PDE4B: variants seen among roughly 807,000 people sequenced by gnomAD.
PDE4B encodes 3',5'-cyclic-AMP phosphodiesterase 4B.
A neutral mutation model predicts 82.2 loss-of-function variants in PDE4B; 20 were observed. The ratio of observed to expected loss-of-function variants is 0.24; its 90% CI spans 0.17 to 0.35. The LOEUF is 0.35. Among genes scored for constraint, PDE4B ranks in the 10% least tolerant of loss-of-function variants. PDE4B has a pLI of 1.00. For missense variants in PDE4B, 655 were observed against 907.2 expected (o/e 0.72, Z 3.57); for synonymous variants, 320 against 318.9 (o/e 1.00, Z -0.04).
At chr1:66,102,888 A>C (rs776571808) in intron 3 of PDE4B, among the ~76,000 whole-genome samples, 7 of 152,074 alleles carry the variant, frequency 4.6e-5, no homozygotes, top group Non-Finnish European at 1.0e-4. Context: ...TTGTGCCTTA[A>C]ATATTGTTAC....
chr1:66,348,841 A>G (rs1661607142), intron 8 of PDE4B, among the ~76,000 whole-genome samples: 1 of 152,028 alleles, frequency 6.6e-6, no homozygotes, highest in African/African-American at 2.4e-5. Context: ...GTCTTTAGGT[A>G]TAAATAGTTA....
intron 1 of PDE4B, among the ~76,000 whole-genome samples, chr1:65,822,324 G>A (rs1440079572): frequency 6.6e-6 from 1 of 151,728 alleles, no homozygotes; most frequent in Non-Finnish European, 1.5e-5. Flanking sequence ...GATTTTTTTT[G>A]GCCAGGTGCA....
chr1:66,149,432 C>T (rs966577913), intron 3 of PDE4B, among the ~76,000 whole-genome samples: 2 of 152,130 alleles, frequency 1.3e-5, no homozygotes, highest in Admixed American at 1.3e-4. Flanking sequence ...TTGATATTAT[C>T]ATTTGTAGCA....
chr1:65,849,441 T>C (rs1646304675), intron 1 of PDE4B, among the ~76,000 whole-genome samples: 1 of 152,176 alleles, frequency 6.6e-6, no homozygotes, highest in Admixed American at 6.6e-5. Context: ...AGGCTAGCAG[T>C]ACTCCATTGG....
chr1:65,998,593 A>G (rs1651684704), intron 3 of PDE4B, among the ~76,000 whole-genome samples: 1 of 152,204 alleles, frequency 6.6e-6, no homozygotes, highest in South Asian at 2.1e-4. Context: ...TATATCCCGT[A>G]ACATTGAAAA....
intron 1 of PDE4B, among the ~76,000 whole-genome samples, chr1:65,901,104 T>G (rs1380066422): frequency 6.6e-6 from 1 of 152,066 alleles, no homozygotes; most frequent in African/African-American, 2.4e-5. Flanking sequence ...CATACATGGC[T>G]CTTATTATTT....
chr1:66,250,741 A>C (rs1423857353), intron 4 of PDE4B, among the ~76,000 whole-genome samples: 2 of 152,226 alleles, frequency 1.3e-5, no homozygotes, highest in Non-Finnish European at 2.9e-5. Flanking sequence ...AAAGTACTGG[A>C]AACTAGTAAG....
chr1:66,238,125 C>A (rs1317174491), intron 3 of PDE4B, among the ~76,000 whole-genome samples: 49 of 152,152 alleles, frequency 3.2e-4, no homozygotes, highest in African/African-American at 1.2e-3. Flanking sequence ...AGAAAACAAA[C>A]AGAAAGACCA....
At chr1:65,838,489 ATG>A (rs1570997276) in intron 1 of PDE4B, among the ~76,000 whole-genome samples, 2 of 148,290 alleles carry the variant, frequency 1.3e-5, no homozygotes, top group East Asian at 3.9e-4. Context: ...ATATACGTAT[ATG>A]TATATATATA....
intron 8 of PDE4B, among the ~76,000 whole-genome samples, chr1:66,353,020 C>T (rs1210698466): frequency 6.6e-6 from 1 of 152,170 alleles, no homozygotes; most frequent in African/African-American, 2.4e-5. Flanking sequence ...TTCAGCTTAT[C>T]GGTCAGAGCA....
In PDE4B at chr1:66,264,585, C is replaced by T. The variant is rs527752595; in HGVS notation, c.585-1453C>T. ...TCTTGTCACATGTGAAAATTTCATA[C>T]CACTGAGAGTTTAAAAGTACCCTGC... On this transcript the variant is annotated intron_variant, in intron 6 of 16. Coordinates refer to ENST00000341517, the MANE Select transcript of PDE4B (RefSeq NM_002600.4). 5.1e-4 allele frequency among the ~76,000 whole-genome samples: 78 copies of T among 152,234 alleles called. 2 individuals are homozygous for T. The highest frequency in any genetic ancestry group is 5.0e-3 in the Admixed American group (77 of 15,286).
Position 66,363,281 on chromosome 1 carries a change from G to A in PDE4B, c.1119+15G>A, listed in dbSNP as rs1298383386. On this transcript the variant is annotated intron_variant, in intron 11 of 16. Coordinates refer to ENST00000341517, the MANE Select transcript of PDE4B (RefSeq NM_002600.4). ...CTATATTCCAGGTGAGTGAACAGGA[G>A]TGAATACTGGCTTTCCAATTGGATG... 6 of 1,570,688 alleles carry A rather than the reference G, an allele frequency of 3.8e-6. No homozygotes were observed. The East Asian group carries it at 1.3e-4, about 35-fold the overall frequency.
chr1:65,847,293 G>A (rs1646278303), intron 1 of PDE4B, among the ~76,000 whole-genome samples: 1 of 152,234 alleles, frequency 6.6e-6, no homozygotes, highest in Middle Eastern at 3.2e-3. Context: ...GTGGCATAGG[G>A]AGGTTAAGCT....
chr1:66,021,724 A>G (rs187057081), intron 3 of PDE4B, among the ~76,000 whole-genome samples: 4 of 152,200 alleles, frequency 2.6e-5, no homozygotes, highest in African/African-American at 7.2e-5. Flanking sequence ...GCCTTGTAGT[A>G]TAGTTTGAAG....
At chr1:66,266,615 G>A (rs192790638) in intron 7 of PDE4B, 179 of 444,168 alleles carry the variant, frequency 4.0e-4, no homozygotes, top group African/African-American at 3.4e-3. Flanking sequence ...GTTCCTCAAC[G>A]GTGTTTTGTT....
rs535484439 is a variant in PDE4B, at chr1:65,879,548, A to G, written c.-70-33697A>G. Among the ~76,000 whole-genome samples the G allele has an allele frequency of 6.6e-5, 10 of 152,310 alleles. No homozygotes were observed. In the East Asian group the frequency reaches 1.9e-3, roughly 29 times the overall value. On this transcript the variant is annotated intron_variant, in intron 1 of 16. Transcript: ENST00000341517. Reference sequence around the variant, plus strand: ...AGATTTAATTTGGACTGGAGGAATCAGAAGTCTAGAAAAGCTAAGAAAAAG... The same window carrying G: ...AGATTTAATTTGGACTGGAGGAATCGGAAGTCTAGAAAAGCTAAGAAAAAG...
chr1:65,946,034 A>C (rs1260974957), intron 3 of PDE4B, among the ~76,000 whole-genome samples: 3 of 151,934 alleles, frequency 2.0e-5, no homozygotes, highest in Non-Finnish European at 4.4e-5. Context: ...GTACAACAGC[A>C]ATTCATTTTC....
intron 1 of PDE4B, among the ~76,000 whole-genome samples, chr1:65,904,485 G>C (rs907390643): frequency 6.6e-6 from 1 of 152,086 alleles, no homozygotes; most frequent in African/African-American, 2.4e-5. Flanking sequence ...TTACATGAAA[G>C]AGTAGCTGTT....
chr1:66,310,977 T>C (rs1453190614), intron 7 of PDE4B, among the ~76,000 whole-genome samples: 2 of 152,236 alleles, frequency 1.3e-5, no homozygotes, highest in Non-Finnish European at 2.9e-5. Flanking sequence ...AATGTATACA[T>C]TGATATGTCT....
Sources: allele counts gnomAD v4.1 joint callset (sites outside exome capture counted in the v4.1 genomes callset), GRCh38; gene constraint gnomAD v4.1.1; transcripts MANE v1.5; gene names NCBI Gene and HGNC (gene_info 2026-07-23, HGNC 2026-07-21).